The following PROSER2 variants were observed in gnomAD, a reference collection of about 807,000 sequenced individuals.
PROSER2 encodes the protein proline and serine-rich protein 2.
In PROSER2, 18 loss-of-function variants were observed where a neutral mutation model predicts 14.6. The ratio of observed to expected loss-of-function variants is 1.23; its 90% confidence interval spans 0.85 to 1.83. PROSER2 has a LOEUF of 1.83. Among genes scored for constraint, PROSER2 ranks in the 40% most tolerant of loss-of-function variants. The pLI is 0.00. For synonymous variants in PROSER2, 367 were observed against 286.4 expected, an observed-to-expected ratio of 1.28 and a Z score of -2.84; for missense variants, 823 against 629.8, an observed-to-expected ratio of 1.31 and a Z score of -3.28.
rs764444891 is a variant in PROSER2 at position 11,869,881 on chromosome 10, C to G, written c.783C>G (p.Asn261Lys). Residue 261 changes from asparagine (N) to lysine (K), a missense_variant, in exon 4 of 4, where the codon AAC becomes AAG. Physicochemically the swap from Asn to Lys is moderately conservative, Grantham distance 94. Transcript: ENST00000277570. This position sits in a 1 kb window ranked among gnomAD's most constrained non-coding sequence, Gnocchi z 4.4. ...TCCCCAGCAACATCATCGTCACCAA[C>G]GGCGCGGCCCGGGAGCCCCGCAGGA... is the stretch of plus-strand genomic sequence containing the variant. ...PRFPSNIIVT[N>K]GAAREPRRTL... The G allele has an allele frequency of 4.4e-6, 7 of 1,591,388 alleles. No homozygotes were observed.
At chr10:11,828,458 A>G (rs892228925) in intron 1 of PROSER2, among the ~76,000 whole-genome samples, 1 of 151,980 alleles carries the variant, frequency 6.6e-6, no homozygotes, top group Non-Finnish European at 1.5e-5. Context: ...TCCCAGCACT[A>G]TGGGAGGCCA....
Position 11,866,384 on chromosome 10 carries a change from A to C in PROSER2, c.139-147A>C, listed in dbSNP as rs1834349091. ...TTCCATCTGGGTGATGGAGAGGCACACGCAGGCACTGTGTGGCAGGGTACT... is the reference window on the plus strand; with the variant it reads ...TTCCATCTGGGTGATGGAGAGGCACCCGCAGGCACTGTGTGGCAGGGTACT... On this transcript the variant is annotated intron_variant, in intron 2 of 3. Coordinates refer to ENST00000277570, the MANE Select transcript of PROSER2 (RefSeq NM_153256.4). The surrounding 1 kb of genome is among the most constrained non-coding windows in gnomAD (Gnocchi z 6.0). The C allele has an allele frequency of 3.4e-6, 3 of 873,128 alleles. No homozygotes were observed. The highest frequency in any genetic ancestry group is 1.8e-6 in the Non-Finnish European group (1 of 561,442). The allele number at this position is 873,128 out of a possible 1,614,324, so 54.1% of individuals were successfully genotyped here.
chr10:11,840,907 A>G (rs1269629528), intron 1 of PROSER2, among the ~76,000 whole-genome samples: 1 of 121,322 alleles, frequency 8.2e-6, no homozygotes, highest in Non-Finnish European at 1.6e-5. Flanking sequence ...CCTGGGCGTC[A>G]GAGTGAGACT....
At chr10:11,834,112 A>G (rs1445553395) in intron 1 of PROSER2, among the ~76,000 whole-genome samples, 1 of 144,086 alleles carries the variant, frequency 6.9e-6, no homozygotes, top group Non-Finnish European at 1.5e-5. Flanking sequence ...CTCCTGCTTC[A>G]GGTTCCCAAA....
intron 1 of PROSER2, among the ~76,000 whole-genome samples, chr10:11,845,038 C>G (rs1833903777): frequency 6.6e-6 from 1 of 152,152 alleles, no homozygotes; most frequent in Non-Finnish European, 1.5e-5. Context: ...ACAGACAATC[C>G]TACAGTGAAT....
chr10:11,846,825 T>C (rs149717740), intron 1 of PROSER2, among the ~76,000 whole-genome samples: 7 of 152,248 alleles, frequency 4.6e-5, no homozygotes, highest in Middle Eastern at 3.4e-3. Context: ...TAATCATAGC[T>C]CACTGCAGCC....
chr10:11,824,596 C>T (rs1833585271), intron 1 of PROSER2, among the ~76,000 whole-genome samples: 1 of 152,218 alleles, frequency 6.6e-6, no homozygotes. Flanking sequence ...GCCCTATTGA[C>T]TTGGGATTGG....
intron 1 of PROSER2, among the ~76,000 whole-genome samples, chr10:11,828,321 T>C (rs1833643013): frequency 6.6e-6 from 1 of 151,094 alleles, no homozygotes; most frequent in Admixed American, 6.6e-5. Flanking sequence ...AAAAAAAGTC[T>C]ATACTCCTTT....
At chr10:11,845,341 T>G (rs1833907815) in intron 1 of PROSER2, among the ~76,000 whole-genome samples, 1 of 152,170 alleles carries the variant, frequency 6.6e-6, no homozygotes, top group Admixed American at 6.5e-5. Flanking sequence ...TTGAGGCTGC[T>G]TTCAAGATTT....
At chr10:11,844,008 T>G (rs943071106) in intron 1 of PROSER2, among the ~76,000 whole-genome samples, 10 of 152,102 alleles carry the variant, frequency 6.6e-5, no homozygotes, top group Non-Finnish European at 1.3e-4. Context: ...TTTGATTGAT[T>G]GAGACAGGGT....
chr10:11,835,155 A>G (rs953514783), intron 1 of PROSER2, among the ~76,000 whole-genome samples: 1 of 151,846 alleles, frequency 6.6e-6, no homozygotes, highest in Non-Finnish European at 1.5e-5. Flanking sequence ...AGTTATTGCA[A>G]TATCTGGTAG....
Position 11,869,986 on chromosome 10 carries a change from C to G in PROSER2, c.888C>G (p.Phe296Leu). 1 of 1,288,208 alleles carries G rather than the reference C, an allele frequency of 7.8e-7. No homozygotes were observed. The highest frequency in any genetic ancestry group is 9.8e-7 in the Non-Finnish European group (1 of 1,021,076). 79.8% of individuals were successfully genotyped at this position (1,288,208 alleles called of 1,614,324 possible). Residue 296 changes from phenylalanine (F) to leucine (L), a missense_variant, in exon 4 of 4, where the codon TTC becomes TTG. Phe to Leu is a conservative substitution (Grantham distance 22). Coordinates refer to ENST00000277570, the MANE Select transcript of PROSER2 (RefSeq NM_153256.4). The surrounding 1 kb of genome is among the most constrained non-coding windows in gnomAD (Gnocchi z 4.4). ...CCATCCACGGCCACGCCGGCGCCTT[C>G]CCCGCCGCGGGGGACGCCGGCGAGG... ...LATIHGHAGAFPAAGDAGEGA... is the reference protein window; with the variant it reads ...LATIHGHAGALPAAGDAGEGA...
chr10:11,855,140 G>GTTTTTT (rs200816965), intron 2 of PROSER2, among the ~76,000 whole-genome samples: 1 of 135,090 alleles, frequency 7.4e-6, no homozygotes. Flanking sequence ...ATTTATAGAG[G>GTTTTTT]TTTTTTGTTT....
chr10:11,858,065 G>C (rs1834157926), intron 2 of PROSER2, among the ~76,000 whole-genome samples: 1 of 152,076 alleles, frequency 6.6e-6, no homozygotes, highest in Non-Finnish European at 1.5e-5. Flanking sequence ...CTCCCAAGTA[G>C]CTGGGATTAC....
At chr10:11,861,099 C>T (rs1386891253) in intron 2 of PROSER2, among the ~76,000 whole-genome samples, 1 of 152,174 alleles carries the variant, frequency 6.6e-6, no homozygotes, top group Non-Finnish European at 1.5e-5. Context: ...GAGCAAGACT[C>T]CTAAAAAATA....
Position 11,870,110 on chromosome 10 carries a change from GGCCCGGCGCTGGC to G in PROSER2, c.1013_1025del (p.Gly338AlafsTer11). 1 of 1,328,736 alleles carries G rather than the reference GGCCCGGCGCTGGC, an allele frequency of 7.5e-7. No individual in the cohort carries two copies. The highest frequency in any genetic ancestry group is 9.6e-7 in the Non-Finnish European group (1 of 1,042,442). The allele number at this position is 1,328,736 out of a possible 1,614,324, so 82.3% of individuals were successfully genotyped here. ...CCGGGCAGGGGGTCAGGCTCCGCGG[GGCCCGGCGCTGGC>G]CAACGGCTTCCCAAGTGCGCACGAG... On this transcript the variant is annotated frameshift_variant, in exon 4 of 4. Transcript: ENST00000277570. LOFTEE classifies it low-confidence loss of function (END_TRUNC).
At chr10:11,844,934 T>A (rs1314346979) in intron 1 of PROSER2, among the ~76,000 whole-genome samples, 1 of 152,238 alleles carries the variant, frequency 6.6e-6, no homozygotes, top group Non-Finnish European at 1.5e-5. Context: ...CCGCATTCTT[T>A]ATACAGCTGA....
In PROSER2 at chr10:11,844,338, A is replaced by G. The variant is rs74720391; in HGVS notation, c.-81-7659A>G. ...CTTTAAGTTTTTCAAAAGGTAATAC[A>G]TTCATATGGTTAAAAAAGAAAAGGT... On this transcript the variant is annotated intron_variant, in intron 1 of 3. Coordinates refer to ENST00000277570, the MANE Select transcript of PROSER2 (RefSeq NM_153256.4). Among the ~76,000 whole-genome samples, 766 of 152,262 alleles carry G rather than the reference A, an allele frequency of 5.0e-3. 4 individuals are homozygous for G. The highest frequency in any genetic ancestry group is 7.7e-3 in the Non-Finnish European group (524 of 68,012).
At chr10:11,826,558 T>TTATTTATG (rs1379921453) in intron 1 of PROSER2, among the ~76,000 whole-genome samples, 1 of 152,160 alleles carries the variant, frequency 6.6e-6, no homozygotes, top group South Asian at 2.1e-4. Flanking sequence ...CCCCGCCTTT[T>TTATTTATG]TATTTATGTA....
Sources: allele counts gnomAD v4.1 joint callset (sites outside exome capture counted in the v4.1 genomes callset), GRCh38; gene constraint gnomAD v4.1.1; non-coding constraint Gnocchi (gnomAD v3.1); transcripts MANE v1.5; gene names NCBI Gene and HGNC (gene_info 2026-07-23, HGNC 2026-07-21).